PBXIP1: variants seen among roughly 807,000 people sequenced by gnomAD.
PBXIP1 encodes PBX homeobox interacting protein 1, also known as pre-B-cell leukemia transcription factor-interacting protein 1.
PBXIP1 carries 73 observed loss-of-function variants against 73.7 expected under a neutral mutation model. That is an observed-to-expected ratio of 0.99 (90% CI 0.82 to 1.20). The LOEUF (loss-of-function observed/expected upper bound fraction) is 1.20. Among genes scored for constraint, PBXIP1 ranks in the 50% most tolerant of loss-of-function variants. PBXIP1 has a pLI of 0.00. For synonymous variants in PBXIP1, 330 were observed against 366.9 expected (o/e 0.90, Z 1.15); for missense variants, 818 against 911.4 (o/e 0.90, Z 1.32).
At chr1:154,953,805 C>A in intron 1 of PBXIP1, 48 bp from the exon 2 acceptor site, 1 of 1,227,404 alleles carries the variant, frequency 8.1e-7, no homozygotes, top group Non-Finnish European at 1.2e-6. Flanking sequence ...TCAGGAGGGG[C>A]AGAATGCAGA....
rs1318277389 is a variant in PBXIP1 at position 154,947,408 on chromosome 1, T to G, written c.870+9A>C. On this transcript the variant is annotated intron_variant, in intron 9 of 10. Coordinates refer to ENST00000368463, the MANE Select transcript of PBXIP1 (RefSeq NM_020524.4). ...TTACCCTAGCCCAGCCCCTCCTGCC[T>G]GTGCCCACCTGCAGCTGGGCCTGCA... The G allele has an allele frequency of 2.5e-6, 4 of 1,613,992 alleles. No homozygotes were observed. Among genetic ancestry groups the G allele is most frequent in the Non-Finnish European group, 3.4e-6 (4 of 1,179,932 alleles).
Position 154,946,238 on chromosome 1 carries a change from C to T in PBXIP1, c.1436G>A (p.Trp479Ter). Residue 479 changes from tryptophan (W) to a stop codon, truncating the protein, a stop_gained, in exon 10 of 11, where the codon TGG becomes TAG. Transcript: ENST00000368463. LOFTEE classifies it high-confidence loss of function. ...AGCCTTCCGGTCTCTCTGCCCATCC[C>T]ACCACTTTTCCTTTCCACTCCACTC... ...SREWSGKEKW[W>*]DGQRDRKAEH... The T allele has an allele frequency of 3.1e-6, 5 of 1,614,126 alleles. No individual in the cohort carries two copies. The highest frequency in any genetic ancestry group is 4.2e-6 in the Non-Finnish European group (5 of 1,180,024).
chr1:154,949,934 C>G (rs907402648), intron 5 of PBXIP1, among the ~76,000 whole-genome samples: 1 of 152,210 alleles, frequency 6.6e-6, no homozygotes, highest in African/African-American at 2.4e-5. Flanking sequence ...CTGTGCCTCC[C>G]AAAGTGTGAG....
chr1:154,951,239 G>T lies in PBXIP1; in HGVS notation c.402C>A (p.Pro134=). 6.2e-7 allele frequency: 1 copy of T among 1,613,796 alleles called. No homozygotes were observed. Among genetic ancestry groups the T allele is most frequent in the Non-Finnish European group, 8.5e-7 (1 of 1,179,804 alleles). Residue 134 remains proline (P), a synonymous_variant, in exon 5 of 11, where the codon CCC becomes CCA. Coordinates refer to ENST00000368463, the MANE Select transcript of PBXIP1 (RefSeq NM_020524.4). This position sits in a 1 kb window ranked among gnomAD's most constrained non-coding sequence, Gnocchi z 4.3. ...QSPPQSLPST[P]KAAWIREEGR... ...GGCAAGGAAGACTCTCACCTGCTTT[G>T]GGGGTTGAAGGCAGGCTCTGTGGAG...
At chr1:154,945,139 T>C (rs1654758988) in intron 10 of PBXIP1, 22 bp from the exon 11 acceptor site, 2 of 1,559,762 alleles carry the variant, frequency 1.3e-6, no homozygotes, top group East Asian at 2.2e-5. Flanking sequence ...AAGAGGCCTT[T>C]AGGGGACAAT....
intron 5 of PBXIP1, 56 bp from the exon 6 acceptor site, chr1:154,948,422 A>C: frequency 8.0e-7 from 1 of 1,250,354 alleles, no homozygotes; most frequent in Non-Finnish European, 1.1e-6. Context: ...GGGGAGACAC[A>C]GGGAGAGAGG....
In PBXIP1 at chr1:154,948,267, G is replaced by A. The variant is rs768271569; in HGVS notation, c.509C>T (p.Pro170Leu). 6.2e-7 allele frequency: 1 copy of A among 1,611,590 alleles called. No homozygotes were observed. Among genetic ancestry groups the A allele is most frequent in the Non-Finnish European group, 8.5e-7 (1 of 1,179,150 alleles). The change falls in exon 6 of 11, where the codon CCT (proline) becomes CTT (leucine). Residue 170 changes from proline to leucine, a missense_variant. Coordinates refer to ENST00000368463, the MANE Select transcript of PBXIP1 (RefSeq NM_020524.4). ...CACAGCCAGGGGCACCATGGGCTGA[G>A]GTGGGCCGGCCTCCCGGCCCCGCCG... ...RRRRGREAGP[P>L]QPMVPLAVEN...
chr1:154,948,317 G>C lies in PBXIP1; in HGVS notation c.459C>G (p.Asp153Glu). The change falls in exon 6 of 11, where the codon GAC becomes GAG. Residue 153 changes from aspartate to glutamate, a missense_variant. Transcript: ENST00000368463. ...GRCSSSDDDTDVDMEGLRRRR... is the reference protein window; with the variant it reads ...GRCSSSDDDTEVDMEGLRRRR... ...GTCTCCGCAGACCCTCCATGTCCACGTCGGTGTCATCGTCACTGCTGGAGC... is the reference window on the plus strand; with the variant it reads ...GTCTCCGCAGACCCTCCATGTCCACCTCGGTGTCATCGTCACTGCTGGAGC... 1 of 1,610,088 alleles carries C rather than the reference G, an allele frequency of 6.2e-7. No homozygotes were observed. Among genetic ancestry groups the C allele is most frequent in the Non-Finnish European group, 8.5e-7 (1 of 1,178,506 alleles).
At position 154,947,652 on chromosome 1, in the gene PBXIP1, C is replaced by G. The variant is rs144153466; in HGVS notation, c.728G>C (p.Gly243Ala). Residue 243 changes from glycine to alanine, a missense_variant, in exon 8 of 11, where the codon GGG becomes GCG. By Grantham distance (60) the Gly-to-Ala change is moderately conservative. Transcript: ENST00000368463. Reference sequence around the variant, plus strand: ...GACATTCACACATACCTGCCTGTCCCCCACAGCTTCCAGCACCTCGGGGTC... The same window carrying G: ...GACATTCACACATACCTGCCTGTCCGCCACAGCTTCCAGCACCTCGGGGTC... ...LPDPEVLEAVGDRQDGLREQL... is the reference protein window; with the variant it reads ...LPDPEVLEAVADRQDGLREQL... 5 of 1,613,932 alleles carry G rather than the reference C, an allele frequency of 3.1e-6. No homozygotes were observed. The African/African-American group carries it at 5.3e-5, about 17-fold the overall frequency.
intron 5 of PBXIP1, chr1:154,950,151 G>C (rs974592961): frequency 1.2e-4 from 20 of 165,392 alleles, no homozygotes; most frequent in Admixed American, 1.0e-3. Context: ...AGGTAGCTGG[G>C]AAGTAGCTGG....
At position 154,951,397 on chromosome 1, in the gene PBXIP1, C is replaced by T. The variant is rs1010244490; in HGVS notation, c.244G>A (p.Gly82Ser). 3 of 1,614,098 alleles carry T rather than the reference C, an allele frequency of 1.9e-6. No homozygotes were observed. The highest frequency in any genetic ancestry group is 2.5e-6 in the Non-Finnish European group (3 of 1,180,006). Residue 82 changes from glycine (G) to serine (S), a missense_variant and splice_region_variant, in exon 5 of 11, where the codon GGC becomes AGC. Coordinates refer to ENST00000368463, the MANE Select transcript of PBXIP1 (RefSeq NM_020524.4). This position sits in a 1 kb window ranked among gnomAD's most constrained non-coding sequence, Gnocchi z 4.3. ...SILTEETEVK[G>S]TLEGDVCGVE... Reference sequence around the variant, plus strand: ...CCACAAACATCACCTTCCAGGGTGCCCTAATGCAGATGCAGCAGTGAGCAG... The same window carrying T: ...CCACAAACATCACCTTCCAGGGTGCTCTAATGCAGATGCAGCAGTGAGCAG...
chr1:154,954,824 G>A (rs1226415000), intron 1 of PBXIP1: 1 of 236,902 alleles, frequency 4.2e-6, no homozygotes, highest in African/African-American at 2.3e-5. Context: ...AAGGTGGAAG[G>A]ATAGATGAGC....
At chr1:154,949,139 CTTTT>C (rs528803961) in intron 5 of PBXIP1, among the ~76,000 whole-genome samples, 2 of 148,916 alleles carry the variant, frequency 1.3e-5, no homozygotes, top group African/African-American at 4.9e-5. Flanking sequence ...CATCTTCTTT[CTTTT>C]TTTTTTAATA....
rs751410326 is a variant in PBXIP1 at position 154,948,421 on chromosome 1, C to A, written c.410-55G>T. ...AGGTGACTGGAGAGATGGGGAGACA[C>A]AGGGAGAGAGGGGAATCAGAGGAAG... On this transcript the variant is annotated intron_variant, in intron 5 of 10. Transcript: ENST00000368463. 2.5e-5 allele frequency: 32 copies of A among 1,284,480 alleles called. 1 individual carries two copies. The South Asian group carries it at 4.2e-4, about 17-fold the overall frequency. 79.6% of individuals were successfully genotyped at this position (1,284,480 alleles called of 1,614,324 possible).
In PBXIP1 at chr1:154,951,962, T is replaced by C; in HGVS notation, c.52-41A>G. 1 of 1,576,544 alleles carries C rather than the reference T, an allele frequency of 6.3e-7. No individual in the cohort carries two copies. The highest frequency in any genetic ancestry group is 8.6e-7 in the Non-Finnish European group (1 of 1,167,290). On this transcript the variant is annotated intron_variant, in intron 2 of 10. Transcript: ENST00000368463. This position sits in a 1 kb window ranked among gnomAD's most constrained non-coding sequence, Gnocchi z 4.3. ...CAAGGAGAAGGGCTGCACCCAAGAA[T>C]GGGGCCCCAGCCCACATCCCAGAAA...
chr1:154,952,136 T>C (rs1160655224), intron 2 of PBXIP1, among the ~76,000 whole-genome samples: 1 of 152,160 alleles, frequency 6.6e-6, no homozygotes, highest in African/African-American at 2.4e-5. Flanking sequence ...AAGGCACTGG[T>C]TGCAGTACAA....
At position 154,951,507 on chromosome 1, in the gene PBXIP1, C is replaced by G. The variant is rs1467661236; in HGVS notation, c.207G>C (p.Gln69His). ...TCTCCTCTGTTAGAATGCTGCCAGA[C>G]TGAGGGCTTTCAGTCTGGAAGAGCG... ...EGTLFQTESP[Q>H]SGSILTEETE... The change falls in exon 4 of 11, where the codon CAG (glutamine) becomes CAC (histidine). Residue 69 changes from glutamine to histidine, a missense_variant. Physicochemically the swap from Gln to His is conservative, Grantham distance 24 (BLOSUM62 0). Coordinates refer to ENST00000368463, the MANE Select transcript of PBXIP1 (RefSeq NM_020524.4). The surrounding 1 kb of genome is among the most constrained non-coding windows in gnomAD (Gnocchi z 4.3). The G allele has an allele frequency of 4.3e-6, 7 of 1,614,032 alleles. No individual in the cohort carries two copies. Among genetic ancestry groups the G allele is most frequent in the Admixed American group, 1.7e-5 (1 of 60,002 alleles).
rs981538414 is a variant in PBXIP1, at chr1:154,947,643, T to C, written c.737A>G (p.Gln246Arg). 1.9e-6 allele frequency: 3 copies of C among 1,613,706 alleles called. No individual in the cohort carries two copies. Among genetic ancestry groups the C allele is most frequent in the Non-Finnish European group, 2.5e-6 (3 of 1,179,912 alleles). The change falls in exon 8 of 11, where the codon CAG becomes CGG. Residue 246 changes from glutamine to arginine, a missense_variant and splice_region_variant. Gln to Arg is a conservative substitution (Grantham distance 43, BLOSUM62 1). Coordinates refer to ENST00000368463, the MANE Select transcript of PBXIP1 (RefSeq NM_020524.4). Reference protein sequence around the residue: ...PEVLEAVGDRQDGLREQLQAP... With the variant: ...PEVLEAVGDRRDGLREQLQAP... ...GCCTCTGGAGACATTCACACATACC[T>C]GCCTGTCCCCCACAGCTTCCAGCAC...
chr1:154,954,105 T>C (rs1230661977), intron 1 of PBXIP1, among the ~76,000 whole-genome samples: 1 of 152,042 alleles, frequency 6.6e-6, no homozygotes, highest in Non-Finnish European at 1.5e-5. Flanking sequence ...CCCAGCAAGG[T>C]TGACAGACTC....
Sources: gnomAD v4.1 joint callset for allele counts (sites outside exome capture counted in the v4.1 genomes callset) on GRCh38, gnomAD v4.1.1 for gene constraint, Gnocchi (gnomAD v3.1) non-coding constraint, MANE v1.5 for transcripts, NCBI Gene and HGNC (gene_info 2026-07-23, HGNC 2026-07-21) for gene names.